APBB2: variants seen among roughly 807,000 people sequenced by gnomAD.
APBB2 encodes the protein Fe65-like 1.
In APBB2, 38 loss-of-function variants were observed where a neutral mutation model predicts 82.5. The ratio of observed to expected loss-of-function variants is 0.46; its 90% CI spans 0.36 to 0.60. The LOEUF is 0.60. Among genes scored for constraint, APBB2 ranks in the 20% least tolerant of loss-of-function variants. The pLI is 0.00. For synonymous variants in APBB2, 341 were observed against 368.2 expected, an observed-to-expected ratio of 0.93 and a Z score of 0.85; for missense variants, 772 against 972.3, an observed-to-expected ratio of 0.79 and a Z score of 2.74.
rs555753273 is a variant in APBB2, at chr4:41,063,354, G to A, written c.-51+2222C>T. On this transcript the variant is annotated intron_variant, in intron 4 of 17. Coordinates refer to ENST00000508593, the MANE Select transcript of APBB2 (RefSeq NM_004307.2). ...CTCAGCTCCTATAAAAATAAGCATG[G>A]GCTGGATCTGACCTATTGGCTACAG... Among the ~76,000 whole-genome samples, 3 of 152,254 alleles carry A rather than the reference G, an allele frequency of 2.0e-5. No individual in the cohort carries two copies. In the South Asian group the frequency reaches 6.2e-4, roughly 32 times the overall value.
chr4:41,089,006 A>C (rs1363807339), intron 3 of APBB2, among the ~76,000 whole-genome samples: 5 of 151,920 alleles, frequency 3.3e-5, no homozygotes, highest in African/African-American at 9.7e-5. Context: ...AGGGGCATTA[A>C]TTTTTTTTTC....
chr4:40,932,104 T>C (rs751534002), intron 10 of APBB2, among the ~76,000 whole-genome samples: 3 of 152,168 alleles, frequency 2.0e-5, no homozygotes, highest in Non-Finnish European at 2.9e-5. Context: ...AGTCCTCCTA[T>C]TCCTATTACA....
intron 1 of APBB2, among the ~76,000 whole-genome samples, chr4:41,166,883 T>C (rs1185015315): frequency 6.6e-6 from 1 of 152,060 alleles, no homozygotes; most frequent in African/African-American, 2.4e-5. Flanking sequence ...AGCAGAAAAA[T>C]AAAATAAAAT....
chr4:41,014,684 C>A (rs767500865), intron 5 of APBB2, among the ~76,000 whole-genome samples: 1 of 152,188 alleles, frequency 6.6e-6, no homozygotes, highest in Non-Finnish European at 1.5e-5. Flanking sequence ...TTTGAATTCA[C>A]ATAAAAGCAT....
rs3222357 is a variant in APBB2, at chr4:41,033,621, C to CACACAA, written c.-50-318_-50-317insTTGTGT. Among the ~76,000 whole-genome samples, 864 of 141,556 alleles carry CACACAA rather than the reference C, an allele frequency of 6.1e-3. 13 individuals are homozygous for CACACAA. Among genetic ancestry groups the CACACAA allele is most frequent in the Middle Eastern group, 0.025 (7 of 276 alleles). 92.9% of individuals were successfully genotyped at this position (141,556 alleles called of 152,430 possible). A position where few individuals can be genotyped will look rare whatever the true frequency, so the allele number is the denominator to read the frequency against. ...ACACACACACACACACACACACACA[C>CACACAA]AATTCAGCACCACTACAGAAAAAAA... On this transcript the variant is annotated intron_variant, in intron 4 of 17. Coordinates refer to ENST00000508593, the MANE Select transcript of APBB2 (RefSeq NM_004307.2).
chr4:41,168,709 C>CA (rs1455491555), intron 1 of APBB2, among the ~76,000 whole-genome samples: 6 of 152,192 alleles, frequency 3.9e-5, no homozygotes, highest in African/African-American at 1.4e-4. Context: ...CGGCCCTGAT[C>CA]AAACCTAAGC....
At chr4:40,845,990 T>TAGGTGGGTGTGGGG in intron 12 of APBB2, among the ~76,000 whole-genome samples, 1 of 4,644 alleles carries the variant, frequency 2.2e-4, no homozygotes, top group African/African-American at 9.7e-4. Context: ...TGGGTGTGGG[T>TAGGTGGGTGTGGGG]GGGTGGGTGG....
intron 10 of APBB2, among the ~76,000 whole-genome samples, chr4:40,898,733 C>T (rs1774398425): frequency 6.6e-6 from 1 of 151,488 alleles, no homozygotes; most frequent in Non-Finnish European, 1.5e-5. Flanking sequence ...ACAGGCCGGG[C>T]ATGGTGGCTC....
chr4:41,200,705 C>G (rs928961317), intron 1 of APBB2, among the ~76,000 whole-genome samples: 32 of 149,934 alleles, frequency 2.1e-4, no homozygotes, highest in African/African-American at 7.4e-4. Context: ...TAGAAATTTT[C>G]TTTGTTTAAA....
chr4:40,864,483 AAAAC>A (rs1296262475), intron 12 of APBB2, among the ~76,000 whole-genome samples: 3 of 152,180 alleles, frequency 2.0e-5, no homozygotes, highest in African/African-American at 7.2e-5. Context: ...TTTTGGAAAA[AAAAC>A]AAAAGAAATT....
rs188197791 is a variant in APBB2 at position 41,211,775 on chromosome 4, C to T, written c.-417+2630G>A. 2.2e-4 allele frequency among the ~76,000 whole-genome samples: 34 copies of T among 152,308 alleles called. No individual in the cohort carries two copies. In the East Asian group the frequency reaches 6.0e-3, roughly 27 times the overall value. ...GTGATTATAGGTGTTAGCCACCGTACCCGGCCAGGTATTGTCTATTTTTAA... is the reference window on the plus strand; with the variant it reads ...GTGATTATAGGTGTTAGCCACCGTATCCGGCCAGGTATTGTCTATTTTTAA... On this transcript the variant is annotated intron_variant, in intron 1 of 17. Coordinates refer to ENST00000508593, the MANE Select transcript of APBB2 (RefSeq NM_004307.2).
intron 5 of APBB2, among the ~76,000 whole-genome samples, chr4:41,021,812 C>G (rs188959139): frequency 3.2e-4 from 48 of 152,258 alleles, no homozygotes; most frequent in Admixed American, 2.9e-3. Context: ...GTCCACACCA[C>G]CTTTATGAGC....
chr4:41,044,901 A>C (rs1427224863), intron 4 of APBB2, among the ~76,000 whole-genome samples: 1 of 152,072 alleles, frequency 6.6e-6, no homozygotes. Context: ...CTTGTCTTAA[A>C]ATGTATCATT....
intron 4 of APBB2, among the ~76,000 whole-genome samples, chr4:41,052,166 G>T (rs2153843124): frequency 6.6e-6 from 1 of 152,106 alleles, no homozygotes; most frequent in Middle Eastern, 3.4e-3. Flanking sequence ...ACAGGAGTTG[G>T]AGATCAGCCT....
intron 4 of APBB2, among the ~76,000 whole-genome samples, chr4:41,038,472 T>C (rs1336600906): frequency 6.6e-6 from 1 of 152,156 alleles, no homozygotes; most frequent in South Asian, 2.1e-4. Context: ...ACTCCTCCCC[T>C]GACAGCCAGT....
intron 6 of APBB2, among the ~76,000 whole-genome samples, chr4:40,954,893 C>T (rs748713716): frequency 7.2e-5 from 11 of 152,068 alleles, no homozygotes; most frequent in Non-Finnish European, 1.5e-4. Flanking sequence ...TTGGGTGATC[C>T]GCCCGCCTCG....
At chr4:41,090,677 C>T (rs1234860936) in intron 3 of APBB2, among the ~76,000 whole-genome samples, 1 of 152,102 alleles carries the variant, frequency 6.6e-6, no homozygotes, top group East Asian at 1.9e-4. Flanking sequence ...GAAACCAGGA[C>T]ATTTTTGATA....
intron 6 of APBB2, among the ~76,000 whole-genome samples, chr4:41,008,309 C>T (rs1807354290): frequency 6.6e-6 from 1 of 152,190 alleles, no homozygotes; most frequent in Non-Finnish European, 1.5e-5. Flanking sequence ...GCTTCACCTA[C>T]TGTGAGGCAA....
At chr4:41,150,181 A>G (rs1261109976) in intron 1 of APBB2, among the ~76,000 whole-genome samples, 1 of 152,200 alleles carries the variant, frequency 6.6e-6, no homozygotes, top group Non-Finnish European at 1.5e-5. Flanking sequence ...GAATATTTTT[A>G]TTATAATAAT....
Sources: gnomAD v4.1 joint callset for allele counts (sites outside exome capture counted in the v4.1 genomes callset) on GRCh38, gnomAD v4.1.1 for gene constraint, MANE v1.5 for transcripts, NCBI Gene and HGNC (gene_info 2026-07-23, HGNC 2026-07-21) for gene names.